Variants in LRRIQ3 observed in about 807,000 individuals in gnomAD.
The protein encoded by LRRIQ3 is leucine-rich repeat and IQ domain-containing protein 3.
Under a neutral mutation model 59.3 loss-of-function variants are expected in LRRIQ3, and 75 were observed. The observed-to-expected ratio is 1.26, with a 90% CI of 1.05 to 1.53. LRRIQ3 has a LOEUF of 1.53. LRRIQ3 is among the 40% of genes most tolerant of loss of function. The probability of loss-of-function intolerance (pLI) is 0.00; values close to 1 mark genes in which losing one functional copy is unlikely to be tolerated. For synonymous variants in LRRIQ3, 250 were observed against 231.3 expected, an observed-to-expected ratio of 1.08 and a Z score of -0.73; for missense variants, 831 against 710.0, an observed-to-expected ratio of 1.17 and a Z score of -1.94.
At chr1:74,042,167 T>C (rs867075641) in intron 6 of LRRIQ3, among the ~76,000 whole-genome samples, 10 of 152,158 alleles carry the variant, frequency 6.6e-5, no homozygotes, top group African/African-American at 9.6e-5. Flanking sequence ...TTCTGTATTA[T>C]CTTCCACAAT....
chr1:74,072,782 C>T (rs1655063770), intron 6 of LRRIQ3, among the ~76,000 whole-genome samples: 1 of 151,988 alleles, frequency 6.6e-6, no homozygotes. Flanking sequence ...ATTCCCTTTA[C>T]CTTAGAAGGC....
intron 4 of LRRIQ3, among the ~76,000 whole-genome samples, chr1:74,116,996 C>A (rs1368955439): frequency 1.3e-5 from 2 of 151,928 alleles, no homozygotes; most frequent in Non-Finnish European, 2.9e-5. Context: ...TGTAGTGCCA[C>A]CTTTTAGTTC....
chr1:74,191,985 T>G (rs1039971006), intron 1 of LRRIQ3, among the ~76,000 whole-genome samples: 1 of 152,034 alleles, frequency 6.6e-6, no homozygotes, highest in Non-Finnish European at 1.5e-5. Context: ...AGGAGGGGCA[T>G]ATTTTATCAT....
At chr1:74,128,689 G>T (rs1646969841) in intron 4 of LRRIQ3, among the ~76,000 whole-genome samples, 1 of 151,994 alleles carries the variant, frequency 6.6e-6, no homozygotes, top group Admixed American at 6.6e-5. Flanking sequence ...CTGAAGAATT[G>T]GGTATTTATT....
chr1:74,088,409 T>C (rs906623390), intron 5 of LRRIQ3, among the ~76,000 whole-genome samples: 5 of 152,046 alleles, frequency 3.3e-5, no homozygotes, highest in Non-Finnish European at 7.4e-5. Flanking sequence ...AGATTTTTTG[T>C]CCTTCAGTAG....
intron 4 of LRRIQ3, among the ~76,000 whole-genome samples, chr1:74,125,496 C>T (rs1646922548): frequency 6.6e-6 from 1 of 151,716 alleles, no homozygotes; most frequent in Admixed American, 6.6e-5. Flanking sequence ...GTCTTTAGTA[C>T]ACAGCTTTTA....
intron 4 of LRRIQ3, among the ~76,000 whole-genome samples, chr1:74,119,285 T>C (rs1160340722): frequency 6.6e-6 from 1 of 152,100 alleles, no homozygotes; most frequent in Non-Finnish European, 1.5e-5. Flanking sequence ...TTGCATACTC[T>C]TGAATATTAA....
intron 4 of LRRIQ3, among the ~76,000 whole-genome samples, chr1:74,151,415 T>G (rs1219266623): frequency 6.6e-6 from 1 of 152,150 alleles, no homozygotes; most frequent in East Asian, 1.9e-4. Context: ...TTTAAATATC[T>G]ACAACAGTAC....
At chr1:74,132,168 G>T (rs939922456) in intron 4 of LRRIQ3, among the ~76,000 whole-genome samples, 1 of 151,980 alleles carries the variant, frequency 6.6e-6, no homozygotes, top group African/African-American at 2.4e-5. Context: ...ACTTACAAGG[G>T]ATGTGAAGGA....
chr1:74,112,346 T>A (rs1201138957), intron 4 of LRRIQ3, among the ~76,000 whole-genome samples: 4 of 152,106 alleles, frequency 2.6e-5, no homozygotes, highest in Admixed American at 6.6e-5. Context: ...GAGATTATGA[T>A]GTTAAGCAAT....
intron 7 of LRRIQ3, among the ~76,000 whole-genome samples, chr1:74,033,974 A>C (rs1285417206): frequency 6.6e-6 from 1 of 152,026 alleles, no homozygotes; most frequent in Non-Finnish European, 1.5e-5. Flanking sequence ...TTTATCTGAT[A>C]CATAGATTCT....
chr1:74,102,965 A>G (rs143706415), intron 5 of LRRIQ3, among the ~76,000 whole-genome samples: 4 of 152,084 alleles, frequency 2.6e-5, no homozygotes, highest in African/African-American at 9.6e-5. Flanking sequence ...AGCCATCAAT[A>G]TTGCTTCCTT....
intron 6 of LRRIQ3, among the ~76,000 whole-genome samples, chr1:74,056,909 T>C (rs1654553346): frequency 6.6e-6 from 1 of 152,128 alleles, no homozygotes; most frequent in South Asian, 2.1e-4. Context: ...CTCATGATAA[T>C]GAGGAAGTTC....
At position 74,184,593 on chromosome 1, in the gene LRRIQ3, T is replaced by C. The variant is rs115751639; in HGVS notation, c.1-909A>G. ...TACTCTTTCAAGACACTGGTTACTTTATATATCACAACCAAGGCCTAAAAC... is the reference window on the plus strand; with the variant it reads ...TACTCTTTCAAGACACTGGTTACTTCATATATCACAACCAAGGCCTAAAAC... On this transcript the variant is annotated intron_variant, in intron 1 of 7. Transcript: ENST00000354431. Among the ~76,000 whole-genome samples the C allele has an allele frequency of 1.9e-3, 282 of 152,252 alleles. 6 individuals are homozygous for C. The highest frequency in any genetic ancestry group is 3.4e-3 in the Middle Eastern group (1 of 294).
rs1049922504 is a variant in LRRIQ3 at position 74,084,362 on chromosome 1, T to A, written c.868-9572A>T. On this transcript the variant is annotated intron_variant, in intron 5 of 7. Transcript: ENST00000354431. ...AGATTTGCTTTTAGGTGCTCATGAA[T>A]TCTAATAATCTTGGCTCTCCAAATG... The A allele has an allele frequency of 4.2e-6, 3 of 713,224 alleles. No homozygotes were observed. In the African/African-American group the frequency reaches 5.6e-5, roughly 13 times the overall value. The allele number at this position is 713,224 out of a possible 1,614,324, so 44.2% of individuals were successfully genotyped here.
At chr1:74,184,068 A>G (rs1650196050) in intron 1 of LRRIQ3, among the ~76,000 whole-genome samples, 8 of 152,046 alleles carry the variant, frequency 5.3e-5, no homozygotes, top group Admixed American at 5.2e-4. Context: ...GTTAAAATAT[A>G]CTGTTAAAGA....
chr1:74,132,649 C>T (rs1245445157), intron 4 of LRRIQ3, among the ~76,000 whole-genome samples: 2 of 152,236 alleles, frequency 1.3e-5, no homozygotes, highest in Admixed American at 6.5e-5. Flanking sequence ...GCTGGGGAAA[C>T]TGGCTAGCCA....
intron 1 of LRRIQ3, among the ~76,000 whole-genome samples, chr1:74,194,088 G>A (rs983794073): frequency 2.0e-5 from 3 of 151,980 alleles, no homozygotes; most frequent in South Asian, 2.1e-4. Context: ...GCCATGGGCC[G>A]GTGCAGTGAC....
chr1:74,087,900 C>T (rs1286764896), intron 5 of LRRIQ3, among the ~76,000 whole-genome samples: 1 of 151,878 alleles, frequency 6.6e-6, no homozygotes, highest in African/African-American at 2.4e-5. Flanking sequence ...AGTTCAAGAC[C>T]AGCCTGGCCA....
Sources: gnomAD v4.1 joint callset for allele counts (sites outside exome capture counted in the v4.1 genomes callset) on GRCh38, gnomAD v4.1.1 for gene constraint, MANE v1.5 for transcripts, NCBI Gene and HGNC (gene_info 2026-07-23, HGNC 2026-07-21) for gene names.